MKKS: variants seen among roughly 807,000 people sequenced by gnomAD.
The protein encoded by MKKS is MKKS centrosomal shuttling protein, also known as molecular chaperone MKKS.
Under a neutral mutation model 33.2 loss-of-function variants are expected in MKKS, and 29 were observed. The observed-to-expected ratio is 0.87, with a 90% confidence interval of 0.65 to 1.19. The LOEUF (loss-of-function observed/expected upper bound fraction) is 1.19. MKKS is among the 50% of genes most tolerant of loss of function. The pLI, the probability that MKKS is intolerant of heterozygous loss-of-function variation, is 0.00. For synonymous variants in MKKS, 260 were observed against 244.0 expected (o/e 1.07, Z -0.61); for missense variants, 661 against 662.3 (o/e 1.00, Z 0.02).
intron 3 of MKKS, among the ~76,000 whole-genome samples, chr20:10,410,420 CAGG>C (rs2064874906): frequency 6.6e-6 from 1 of 152,004 alleles, no homozygotes; most frequent in African/African-American, 2.4e-5. Flanking sequence ...CACCTGAGCT[CAGG>C]AGTTCAGGAC....
At chr20:10,408,272 ACT>A (rs2064856975) in intron 4 of MKKS, among the ~76,000 whole-genome samples, 1 of 152,298 alleles carries the variant, frequency 6.6e-6, no homozygotes, top group African/African-American at 2.4e-5. Context: ...AGAACAGGAA[ACT>A]CTGCTAAGAA....
chr20:10,415,868 G>A (rs2064934953), intron 2 of MKKS, among the ~76,000 whole-genome samples: 1 of 152,108 alleles, frequency 6.6e-6, no homozygotes, highest in Non-Finnish European at 1.5e-5. Flanking sequence ...TCATTAAAAT[G>A]ACAAAGAAAT....
Position 10,401,909 on chromosome 20 carries a change from G to T in MKKS, c.*3338C>A, listed in dbSNP as rs1437212381. The T allele has an allele frequency of 6.6e-6, 1 of 152,090 alleles. No homozygotes were observed. Among genetic ancestry groups the T allele is most frequent in the African/African-American group, 2.4e-5 (1 of 41,404 alleles). The allele number at this position is 152,090 out of a possible 1,614,324, so 9.4% of individuals were successfully genotyped here. A position where few individuals can be genotyped will look rare whatever the true frequency, so the allele number is the denominator to read the frequency against. Reference sequence around the variant, plus strand: ...TAACATATAAAGACTCTCTAATATGGTACAAATGGAAGAATTAAAGGGTAG... The same window carrying T: ...TAACATATAAAGACTCTCTAATATGTTACAAATGGAAGAATTAAAGGGTAG... On this transcript the variant is annotated 3_prime_UTR_variant, in exon 6 of 6. Transcript: ENST00000347364.
chr20:10,427,341 T>C (rs2065022615), intron 1 of MKKS, among the ~76,000 whole-genome samples: 1 of 152,220 alleles, frequency 6.6e-6, no homozygotes, highest in Non-Finnish European at 1.5e-5. Context: ...TTGGTCTTAA[T>C]TGCTGTTGTG....
intron 1 of MKKS, among the ~76,000 whole-genome samples, chr20:10,430,781 G>T (rs2065049127): frequency 6.6e-6 from 1 of 152,210 alleles, no homozygotes; most frequent in South Asian, 2.1e-4. Flanking sequence ...GAGCAAAGAA[G>T]CAAAGACGGT....
In MKKS at chr20:10,401,588, T is replaced by A. The variant is rs1228079139; in HGVS notation, c.*3659A>T. 1.3e-5 allele frequency: 2 copies of A among 152,206 alleles called. No homozygotes were observed. The highest frequency in any genetic ancestry group is 2.4e-5 in the African/African-American group (1 of 41,458). 9.4% of individuals were successfully genotyped at this position (152,206 alleles called of 1,614,324 possible). ...GCATTGATTTTTTACATGATAATTT[T>A]AAATAACCTGCATAATGTATGTGAT... On this transcript the variant is annotated 3_prime_UTR_variant, in exon 6 of 6. Transcript: ENST00000347364.
chr20:10,412,974 C>T lies in MKKS; in HGVS notation c.541G>A (p.Ala181Thr), dbSNP rs1215659134. Residue 181 changes from alanine (A) to threonine (T), a missense_variant, in exon 3 of 6, where the codon GCC (alanine) becomes ACC (threonine). Transcript: ENST00000347364. ...TTTTCTGGAATTGTAAGCAAAAAGG[C>T]TCTCAGGATCAAAGCACTGACATGC... ...TEHVSALILR[A>T]FLLTIPENAE... 17 of 1,613,880 alleles carry T rather than the reference C, an allele frequency of 1.1e-5. No homozygotes were observed. Among genetic ancestry groups the T allele is most frequent in the Non-Finnish European group, 1.4e-5 (17 of 1,180,024 alleles).
chr20:10,413,263 A>G lies in MKKS; in HGVS notation c.252T>C (p.His84=). The change falls in exon 3 of 6, where the codon CAT becomes CAC. Residue 84 remains histidine, a synonymous_variant. Coordinates refer to ENST00000347364, the MANE Select transcript of MKKS (RefSeq NM_170784.3). ...LKILTASIQN[H]VSSFSDCGLF... is the part of the protein sequence containing the mutation. ...AGCCACAATCACTGAAGCTTGACAC[A>G]TGATTCTGTATGGAGGCTGTCAGGA... 1 of 1,614,256 alleles carries G rather than the reference A, an allele frequency of 6.2e-7. No individual in the cohort carries two copies. Among genetic ancestry groups the G allele is most frequent in the Non-Finnish European group, 8.5e-7 (1 of 1,180,030 alleles).
At chr20:10,432,342 A>C (rs1235771397) in intron 1 of MKKS, among the ~76,000 whole-genome samples, 1 of 152,170 alleles carries the variant, frequency 6.6e-6, no homozygotes, top group Admixed American at 6.5e-5. Flanking sequence ...CCTGCCTCTA[A>C]ATCTCCTCAG....
At chr20:10,415,054 T>G (rs991120940) in intron 2 of MKKS, among the ~76,000 whole-genome samples, 4 of 152,180 alleles carry the variant, frequency 2.6e-5, no homozygotes, top group African/African-American at 9.6e-5. Context: ...CAAAAGGACA[T>G]GTAGAAATAC....
intron 5 of MKKS, among the ~76,000 whole-genome samples, chr20:10,406,274 T>G (rs2064843780): frequency 6.6e-6 from 1 of 152,194 alleles, no homozygotes; most frequent in Admixed American, 6.5e-5. Flanking sequence ...ATCCTAGAAA[T>G]TCCATGATAA....
chr20:10,420,002 T>C (rs553015764), intron 2 of MKKS, among the ~76,000 whole-genome samples: 1 of 152,348 alleles, frequency 6.6e-6, no homozygotes, highest in East Asian at 1.9e-4. Flanking sequence ...GGAGTGAGGA[T>C]AAAATGTTTT....
At position 10,413,031 on chromosome 20, in the gene MKKS, G is replaced by T; in HGVS notation, c.484C>A (p.Pro162Thr). Reference sequence around the variant, plus strand: ...TCCTTTCTGGTGAGCATACAGGCAGGTTTACTTGTTAATATACTACGCACC... The same window carrying T: ...TCCTTTCTGGTGAGCATACAGGCAGTTTTACTTGTTAATATACTACGCACC... Reference protein sequence around the residue: ...CLVRSILTSKPACMLTRKETE... With the variant: ...CLVRSILTSKTACMLTRKETE... The change falls in exon 3 of 6, where the codon CCT (proline) becomes ACT (threonine). Residue 162 changes from proline (P) to threonine (T), a missense_variant. Pro to Thr is a conservative substitution (Grantham distance 38). Transcript: ENST00000347364. 1.2e-6 allele frequency: 2 copies of T among 1,614,006 alleles called. No individual in the cohort carries two copies. Among genetic ancestry groups the T allele is most frequent in the South Asian group, 2.2e-5 (2 of 91,090 alleles).
At chr20:10,416,972 T>G (rs1037067263) in intron 2 of MKKS, among the ~76,000 whole-genome samples, 8 of 152,016 alleles carry the variant, frequency 5.3e-5, no homozygotes, top group African/African-American at 1.9e-4. Context: ...CTATCTGATC[T>G]TTTATAGAAA....
At position 10,403,577 on chromosome 20, in the gene MKKS, T is replaced by C. The variant is rs1400457599; in HGVS notation, c.*1670A>G. The stretch of plus-strand genomic sequence containing the variant: ...CAGTTGCTTTCCATCTGTAGACCCA[T>C]GAAACTAGAGAAAAGTTATCTGCCT... On this transcript the variant is annotated 3_prime_UTR_variant, in exon 6 of 6. Transcript: ENST00000347364. 1 of 152,168 alleles carries C rather than the reference T, an allele frequency of 6.6e-6. No individual in the cohort carries two copies. Among genetic ancestry groups the C allele is most frequent in the Non-Finnish European group, 1.5e-5 (1 of 68,052 alleles). 9.4% of individuals were successfully genotyped at this position (152,168 alleles called of 1,614,324 possible).
intron 1 of MKKS, 110 bp from the exon 2 acceptor site, chr20:10,420,868 C>G (rs2064975810): frequency 6.6e-6 from 1 of 152,198 alleles, no homozygotes; most frequent in South Asian, 2.1e-4. Flanking sequence ...CAAATGCTGA[C>G]TGTTAAACAT....
chr20:10,410,849 CCT>C (rs765386509), intron 3 of MKKS, among the ~76,000 whole-genome samples: 25 of 152,058 alleles, frequency 1.6e-4, no homozygotes, highest in Non-Finnish European at 3.2e-4. Context: ...TAGTTTTCCC[CCT>C]TTTCTTTTTT....
intron 4 of MKKS, among the ~76,000 whole-genome samples, chr20:10,408,114 T>C (rs2064855606): frequency 6.6e-6 from 1 of 152,224 alleles, no homozygotes; most frequent in East Asian, 1.9e-4. Flanking sequence ...TACAGTTACA[T>C]CCCAGCAATA....
rs536805983 is a variant in MKKS at position 10,415,742 on chromosome 20, A to T, written c.-417-1811T>A. Among the ~76,000 whole-genome samples, 4 of 152,374 alleles carry T rather than the reference A, an allele frequency of 2.6e-5. No individual in the cohort carries two copies. The South Asian group carries it at 8.3e-4, about 32-fold the overall frequency. ...GATTAAGAAAATCGTTTTTCTAGTT[A>T]GAACATTTTCAATACTTAATAGTGT... On this transcript the variant is annotated intron_variant, in intron 2 of 5. Coordinates refer to ENST00000347364, the MANE Select transcript of MKKS (RefSeq NM_170784.3).
Sources: gnomAD v4.1 joint callset for allele counts (sites outside exome capture counted in the v4.1 genomes callset) on GRCh38, gnomAD v4.1.1 for gene constraint, MANE v1.5 for transcripts, NCBI Gene and HGNC (gene_info 2026-07-23, HGNC 2026-07-21) for gene names.